The following DBT variants were observed in gnomAD, a reference collection of about 807,000 sequenced individuals.
DBT encodes lipoamide acyltransferase component of branched-chain alpha-keto acid dehydrogenase complex, mitochondrial.
Under a neutral mutation model 51.3 loss-of-function variants are expected in DBT, and 40 were observed. The ratio of observed to expected loss-of-function variants is 0.78; its 90% CI spans 0.61 to 1.02. The LOEUF (loss-of-function observed/expected upper bound fraction) is 1.02. Among genes scored for constraint, DBT ranks in the 50% least tolerant of loss-of-function variants. The pLI, the probability that DBT is intolerant of heterozygous loss-of-function variation, is 0.00. For missense variants in DBT, 510 were observed against 580.2 expected (o/e 0.88, Z 1.24); for synonymous variants, 181 against 190.4 (o/e 0.95, Z 0.41).
intron 4 of DBT, among the ~76,000 whole-genome samples, chr1:100,219,289 C>T (rs1662691086): frequency 1.3e-5 from 2 of 151,850 alleles, no homozygotes; most frequent in Admixed American, 6.6e-5. Flanking sequence ...GAGGTCGAGG[C>T]TGCAGTGAGC....
intron 1 of DBT, among the ~76,000 whole-genome samples, chr1:100,241,365 A>AT (rs202180632): frequency 0.013 from 1,191 of 88,840 alleles, 16 homozygotes; most frequent in African/African-American, 0.051. Context: ...TCTGAAAGGT[A>AT]TTGTGTGTGT....
At chr1:100,206,901 T>C (rs1045883926) in intron 8 of DBT, among the ~76,000 whole-genome samples, 47 of 152,062 alleles carry the variant, frequency 3.1e-4, no homozygotes, top group African/African-American at 1.1e-3. Context: ...CTGGCCAACA[T>C]AGTGAAACCC....
intron 2 of DBT, among the ~76,000 whole-genome samples, chr1:100,239,208 A>C (rs2100841537): frequency 6.6e-6 from 1 of 152,228 alleles, no homozygotes; most frequent in South Asian, 2.1e-4. Flanking sequence ...TACTATGATT[A>C]CTCCCATTTC....
At chr1:100,244,371 A>G (rs1340829657) in intron 1 of DBT, among the ~76,000 whole-genome samples, 2 of 152,212 alleles carry the variant, frequency 1.3e-5, no homozygotes, top group African/African-American at 4.8e-5. Flanking sequence ...ATGTCAGTAT[A>G]AGGAGTTTGA....
At chr1:100,202,951 C>T (rs1024627327) in intron 10 of DBT, among the ~76,000 whole-genome samples, 1 of 152,072 alleles carries the variant, frequency 6.6e-6, no homozygotes. Context: ...AAATTTATAG[C>T]ACTATAAATT....
At chr1:100,215,398 G>A (rs967056203) in intron 6 of DBT, among the ~76,000 whole-genome samples, 3 of 152,196 alleles carry the variant, frequency 2.0e-5, no homozygotes, top group Non-Finnish European at 4.4e-5. Flanking sequence ...TGTCCTGTGT[G>A]TCTTCAAACA....
rs71084808 is a variant in DBT at position 100,225,052 on chromosome 1, TACACACACACACACAC to T, written c.433+5665_433+5680del. ...AAAAAAAAAAAAAAAAATATATATATACACACACACACACACACACACACACACACACACACACACA... is the reference window on the plus strand; with the variant it reads ...AAAAAAAAAAAAAAAAATATATATATACACACACACACACACACACACACA... On this transcript the variant is annotated intron_variant, in intron 4 of 10. Coordinates refer to ENST00000370132, the MANE Select transcript of DBT (RefSeq NM_001918.5). Among the ~76,000 whole-genome samples the T allele has an allele frequency of 3.0e-4, 24 of 79,054 alleles. 3 individuals are homozygous for T. Among genetic ancestry groups the T allele is most frequent in the South Asian group, 1.4e-3 (3 of 2,218 alleles). The allele number at this position is 79,054 out of a possible 152,430, so 51.9% of individuals were successfully genotyped here.
At chr1:100,241,460 ATCACAGT>A (rs1485174949) in intron 1 of DBT, among the ~76,000 whole-genome samples, 1 of 150,664 alleles carries the variant, frequency 6.6e-6, no homozygotes, top group Non-Finnish European at 1.5e-5. Flanking sequence ...CAGTGGTGCG[ATCACAGT>A]TCACTGAAGC....
Position 100,241,136 on chromosome 1 carries a change from G to C in DBT, c.52-252C>G, listed in dbSNP as rs553575017. Among the ~76,000 whole-genome samples the C allele has an allele frequency of 3.3e-5, 5 of 152,112 alleles. No homozygotes were observed. The East Asian group carries it at 9.7e-4, about 29-fold the overall frequency. On this transcript the variant is annotated intron_variant, in intron 1 of 10. Coordinates refer to ENST00000370132, the MANE Select transcript of DBT (RefSeq NM_001918.5). Reference sequence around the variant, plus strand: ...GTATGCTTAAGTCATTGGACTTCCTGAACTAAAACTACTAAAGAATTCTAA... The same window carrying C: ...GTATGCTTAAGTCATTGGACTTCCTCAACTAAAACTACTAAAGAATTCTAA...
At chr1:100,229,458 G>A (rs11166419) in intron 4 of DBT, among the ~76,000 whole-genome samples, 7,892 of 152,174 alleles carry the variant, frequency 0.052, 230 homozygotes, top group African/African-American at 0.08. Flanking sequence ...GAGCCACTGC[G>A]CCCAGCCTGT....
chr1:100,203,773 C>T (rs964092210), intron 10 of DBT, among the ~76,000 whole-genome samples: 1 of 152,158 alleles, frequency 6.6e-6, no homozygotes, highest in Non-Finnish European at 1.5e-5. Context: ...CGGCTTCATC[C>T]CTAGGATGCA....
chr1:100,210,343 GAAGAAT>G (rs1351513467), intron 8 of DBT, among the ~76,000 whole-genome samples: 194 of 146,390 alleles, frequency 1.3e-3, no homozygotes, highest in East Asian at 4.3e-3. Context: ...AGAAGAAGAA[GAAGAAT>G]AAGAATAATA....
chr1:100,241,420 T>C (rs1664202577), intron 1 of DBT, among the ~76,000 whole-genome samples: 1 of 146,082 alleles, frequency 6.8e-6, no homozygotes, highest in African/African-American at 2.6e-5. Context: ...ATTTGAGACA[T>C]GGTCTCACTC....
chr1:100,231,039 G>A (rs1663529172), intron 3 of DBT, 125 bp from the exon 4 acceptor site: 5 of 667,164 alleles, frequency 7.5e-6, no homozygotes, highest in Admixed American at 2.3e-5. Context: ...TTCAGATGGT[G>A]TACTAAGCAA....
At chr1:100,222,783 A>C (rs1662930526) in intron 4 of DBT, among the ~76,000 whole-genome samples, 1 of 152,166 alleles carries the variant, frequency 6.6e-6, no homozygotes, top group Non-Finnish European at 1.5e-5. Flanking sequence ...GGTACCTCTC[A>C]GTTAGGTTCA....
chr1:100,247,226 T>C (rs149844678), intron 1 of DBT, among the ~76,000 whole-genome samples: 38 of 152,362 alleles, frequency 2.5e-4, no homozygotes, highest in South Asian at 2.1e-4. Flanking sequence ...GAAAATGATA[T>C]TATCAAATGT....
intron 10 of DBT, among the ~76,000 whole-genome samples, chr1:100,201,094 A>C (rs1661406920): frequency 6.6e-6 from 1 of 152,076 alleles, no homozygotes; most frequent in South Asian, 2.1e-4. Flanking sequence ...TCAGGTAATA[A>C]CAAACTCCTC....
chr1:100,241,369 TGTGTGTG>T (rs1664198668), intron 1 of DBT, among the ~76,000 whole-genome samples: 3 of 5,820 alleles, frequency 5.2e-4, no homozygotes, highest in Non-Finnish European at 2.3e-3. Context: ...AAAGGTATTG[TGTGTGTG>T]TGTGTGTGTG....
intron 4 of DBT, among the ~76,000 whole-genome samples, chr1:100,227,816 T>TTTTTAA (rs938581468): frequency 6.6e-6 from 1 of 152,102 alleles, no homozygotes; most frequent in East Asian, 1.9e-4. Context: ...TATTTTTTAA[T>TTTTTAA]TTTTAATTTT....
Sources: gnomAD v4.1 joint callset for allele counts (sites outside exome capture counted in the v4.1 genomes callset) on GRCh38, gnomAD v4.1.1 for gene constraint, MANE v1.5 for transcripts, NCBI Gene and HGNC (gene_info 2026-07-23, HGNC 2026-07-21) for gene names.